Variants in PPIL4 observed in about 807,000 individuals in gnomAD.
The protein encoded by PPIL4 is peptidyl-prolyl cis-trans isomerase-like 4.
A neutral mutation model predicts 69.1 loss-of-function variants in PPIL4; 50 were observed. That is an observed-to-expected ratio of 0.72 (90% CI 0.58 to 0.92). PPIL4 has a LOEUF of 0.92. Among genes scored for constraint, PPIL4 ranks in the 40% least tolerant of loss-of-function variants. PPIL4 has a pLI of 0.00. For synonymous variants in PPIL4, 193 were observed against 191.6 expected (o/e 1.01, Z -0.06); for missense variants, 480 against 587.9 (o/e 0.82, Z 1.90).
intron 3 of PPIL4, 143 bp downstream of exon 3, chr6:149,541,224 A>G (rs1777355645): frequency 1.9e-6 from 1 of 534,460 alleles, no homozygotes; most frequent in East Asian, 3.2e-5. Flanking sequence ...CTAAATTTAA[A>G]CCATATTTTA....
rs760634459 is a variant in PPIL4 at position 149,541,111 on chromosome 6, GA to G, written c.204-53del. On this transcript the variant is annotated intron_variant, in intron 3 of 12. Transcript: ENST00000253329. Reference sequence around the variant, plus strand: ...GTAAGTACTCTCAAAATGAAATACAGAAGTACTAGTAACATACAGGGTTATC... The same window carrying G: ...GTAAGTACTCTCAAAATGAAATACAGAGTACTAGTAACATACAGGGTTATC... The G allele has an allele frequency of 3.7e-5, 37 of 1,009,488 alleles. No individual in the cohort carries two copies. The East Asian group carries it at 5.5e-4, about 15-fold the overall frequency. 62.5% of individuals were successfully genotyped at this position (1,009,488 alleles called of 1,614,324 possible).
chr6:149,537,489 C>T (rs1055093662), intron 4 of PPIL4, among the ~76,000 whole-genome samples: 1 of 152,102 alleles, frequency 6.6e-6, no homozygotes, highest in African/African-American at 2.4e-5. Context: ...GGGTGGATCA[C>T]GAGGTCAGGA....
intron 7 of PPIL4, among the ~76,000 whole-genome samples, chr6:149,529,261 T>A (rs1445116279): frequency 2.1e-4 from 32 of 148,926 alleles, no homozygotes; most frequent in Non-Finnish European, 7.4e-5. Context: ...AGAAATGAAA[T>A]CCCAGGCCGG....
chr6:149,515,994 A>G (rs868426462), intron 11 of PPIL4, among the ~76,000 whole-genome samples: 1 of 152,322 alleles, frequency 6.6e-6, no homozygotes, highest in East Asian at 1.9e-4. Context: ...TTATCTGCAC[A>G]TCAGACTATC....
chr6:149,514,159 A>G (rs1776903159), intron 11 of PPIL4, among the ~76,000 whole-genome samples: 1 of 152,250 alleles, frequency 6.6e-6, no homozygotes, highest in South Asian at 2.1e-4. Flanking sequence ...AGGGTTAGTC[A>G]GCTCGTACCA....
chr6:149,536,728 T>C (rs572883259), intron 4 of PPIL4, among the ~76,000 whole-genome samples: 1 of 140,674 alleles, frequency 7.1e-6, no homozygotes, highest in African/African-American at 2.7e-5. Context: ...CGCAGTGAAT[T>C]ACTCCATCTC....
rs1583213680 is a variant in PPIL4, at chr6:149,541,503, A to G, written c.138+16T>C. On this transcript the variant is annotated intron_variant, in intron 2 of 12. Coordinates refer to ENST00000253329, the MANE Select transcript of PPIL4 (RefSeq NM_139126.4). ...GTTCCAATAACAAAGGAAATGACTA[A>G]TATCTACCAACTCACCTGTACATTG... The G allele has an allele frequency of 2.6e-6, 4 of 1,541,002 alleles. No individual in the cohort carries two copies. Among genetic ancestry groups the G allele is most frequent in the Non-Finnish European group, 3.6e-6 (4 of 1,115,502 alleles).
At chr6:149,518,667 G>A (rs1776982799) in intron 10 of PPIL4, among the ~76,000 whole-genome samples, 4 of 152,188 alleles carry the variant, frequency 2.6e-5, no homozygotes. Context: ...AACTGGTAAT[G>A]GTAACAAACA....
In PPIL4 at chr6:149,522,280, A is replaced by G. The variant is rs114312515; in HGVS notation, c.871-1109T>C. ...AAATACTCAATTTACTTACACCTAA[A>G]TAATAGTTAATAAATCTCTTCAAAA... On this transcript the variant is annotated intron_variant, in intron 9 of 12. Coordinates refer to ENST00000253329, the MANE Select transcript of PPIL4 (RefSeq NM_139126.4). Among the ~76,000 whole-genome samples, 244 of 152,358 alleles carry G rather than the reference A, an allele frequency of 1.6e-3. 1 individual carries two copies. The highest frequency in any genetic ancestry group is 5.5e-3 in the African/African-American group (227 of 41,584).
intron 7 of PPIL4, among the ~76,000 whole-genome samples, chr6:149,531,757 C>T (rs1285334174): frequency 6.6e-6 from 1 of 152,032 alleles, no homozygotes; most frequent in Non-Finnish European, 1.5e-5. Flanking sequence ...GCAACTTTCG[C>T]CTGCTGGGTT....
intron 11 of PPIL4, among the ~76,000 whole-genome samples, chr6:149,512,721 A>G (rs1014871477): frequency 6.6e-6 from 1 of 152,122 alleles, no homozygotes; most frequent in African/African-American, 2.4e-5. Context: ...AGCAATGCAT[A>G]TCGAGTTATC....
Position 149,512,308 on chromosome 6 carries a change from GT to G in PPIL4, c.1080-7del. 6.2e-7 allele frequency: 1 copy of G among 1,604,852 alleles called. No individual in the cohort carries two copies. Among genetic ancestry groups the G allele is most frequent in the Admixed American group, 1.7e-5 (1 of 59,220 alleles). On this transcript the variant is annotated splice_polypyrimidine_tract_variant and splice_region_variant and intron_variant, in intron 11 of 12. Transcript: ENST00000253329. ...ATATAAGATCGTATTTTGTACTGCA[GT>G]AGTTAGTTAAGGATAAATGTGATAA... is the stretch of plus-strand genomic sequence containing the variant.
intron 11 of PPIL4, among the ~76,000 whole-genome samples, chr6:149,513,015 T>C (rs552318730): frequency 1.3e-5 from 2 of 151,246 alleles, no homozygotes; most frequent in Non-Finnish European, 3.0e-5. Flanking sequence ...GTGCTGGGAT[T>C]ACAGGTGTGA....
rs1189344198 is a variant in PPIL4, at chr6:149,545,544, AT to A, written c.70+391del. 2.6e-5 allele frequency among the ~76,000 whole-genome samples: 4 copies of A among 152,224 alleles called. 1 individual carries two copies. In the South Asian group the frequency reaches 8.3e-4, roughly 32 times the overall value. ...GCACACCCTAACTGCCTTCATCAAG[AT>A]TTAACCGATTACACACCAAGCAATA... is the stretch of plus-strand genomic sequence containing the variant. On this transcript the variant is annotated intron_variant, in intron 1 of 12. Coordinates refer to ENST00000253329, the MANE Select transcript of PPIL4 (RefSeq NM_139126.4).
intron 10 of PPIL4, 179 bp from the exon 11 acceptor site, chr6:149,517,629 A>C (rs1395722555): frequency 6.3e-6 from 3 of 474,570 alleles, no homozygotes; most frequent in Non-Finnish European, 1.1e-5. Flanking sequence ...TCAGACATCC[A>C]TTTTTGCTAG....
intron 10 of PPIL4, among the ~76,000 whole-genome samples, chr6:149,519,885 A>C (rs901846208): frequency 1.2e-4 from 19 of 152,234 alleles, no homozygotes; most frequent in Non-Finnish European, 2.1e-4. Context: ...AGTAACTATC[A>C]AAGTGAAACC....
At chr6:149,511,457 C>T (rs1000255004) in intron 12 of PPIL4, among the ~76,000 whole-genome samples, 5 of 151,254 alleles carry the variant, frequency 3.3e-5, no homozygotes, top group African/African-American at 4.9e-5. Flanking sequence ...TATTTTTTGT[C>T]GAGATGGGGG....
At chr6:149,521,304 A>C (rs1197482580) in intron 9 of PPIL4, 133 bp from the exon 10 acceptor site, 2 of 623,658 alleles carry the variant, frequency 3.2e-6, no homozygotes, top group Non-Finnish European at 5.6e-6. Flanking sequence ...CGATGCTGTT[A>C]AATGCTTTGT....
At position 149,505,188 on chromosome 6, in the gene PPIL4, T is replaced by TA; in HGVS notation, c.*264dup. On this transcript the variant is annotated 3_prime_UTR_variant, in exon 13 of 13. Transcript: ENST00000253329. ...ATTTTTGTAGTATGAAATACTTCAT[T>TA]AAAAAAAGAGTGAAAATGTAAGACT... 1 of 326,496 alleles carries TA rather than the reference T, an allele frequency of 3.1e-6. No homozygotes were observed. Among genetic ancestry groups the TA allele is most frequent in the South Asian group, 4.9e-5 (1 of 20,256 alleles). 20.2% of individuals were successfully genotyped at this position (326,496 alleles called of 1,614,324 possible).
Sources: gnomAD v4.1 joint callset for allele counts (sites outside exome capture counted in the v4.1 genomes callset) on GRCh38, gnomAD v4.1.1 for gene constraint, MANE v1.5 for transcripts, NCBI Gene and HGNC (gene_info 2026-07-23, HGNC 2026-07-21) for gene names.